SDHC: variants seen among roughly 807,000 people sequenced by gnomAD.
The protein encoded by SDHC is succinate dehydrogenase complex subunit C.
SDHC carries 11 observed loss-of-function variants against 22.6 expected under a neutral mutation model. The ratio of observed to expected loss-of-function variants is 0.49; its 90% CI spans 0.31 to 0.81. The LOEUF (loss-of-function observed/expected upper bound fraction) is 0.81. Ranked by LOEUF, SDHC falls within the 30% of genes least tolerant of loss-of-function variation. The pLI, the probability that SDHC is intolerant of heterozygous loss-of-function variation, is 0.05. For synonymous variants in SDHC, 80 were observed against 77.8 expected, an observed-to-expected ratio of 1.03 and a Z score of -0.15; for missense variants, 160 against 212.0, an observed-to-expected ratio of 0.75 and a Z score of 1.52.
At chr1:161,317,264 A>G (rs1360646686) in intron 1 of SDHC, among the ~76,000 whole-genome samples, 2 of 151,792 alleles carry the variant, frequency 1.3e-5, no homozygotes, top group Non-Finnish European at 2.9e-5. Flanking sequence ...TCCTGACCTC[A>G]TGATCCATCC....
intron 3 of SDHC, among the ~76,000 whole-genome samples, chr1:161,337,288 AG>A (rs1671532198): frequency 6.6e-6 from 1 of 152,188 alleles, no homozygotes; most frequent in African/African-American, 2.4e-5. Context: ...GAAAACACAA[AG>A]GCTAGGGCCT....
intron 4 of SDHC, among the ~76,000 whole-genome samples, chr1:161,344,562 C>A (rs961151318): frequency 6.6e-6 from 1 of 152,048 alleles, no homozygotes; most frequent in Non-Finnish European, 1.5e-5. Context: ...TCTCCTAGTT[C>A]CATGATAGAA....
chr1:161,357,515 C>T (rs58874147), intron 5 of SDHC, among the ~76,000 whole-genome samples: 17,796 of 151,924 alleles, frequency 0.12, 1,420 homozygotes, highest in African/African-American at 0.22. Context: ...TTCTCCTGCC[C>T]CAACCTCCCG....
intron 1 of SDHC, among the ~76,000 whole-genome samples, chr1:161,317,847 C>A (rs915501190): frequency 6.6e-6 from 1 of 151,650 alleles, no homozygotes; most frequent in African/African-American, 2.4e-5. Flanking sequence ...TAAGCCACCA[C>A]GCCGGGCCAA....
intron 1 of SDHC, among the ~76,000 whole-genome samples, chr1:161,323,100 G>A (rs1670899539): frequency 6.6e-6 from 1 of 151,936 alleles, no homozygotes; most frequent in Non-Finnish European, 1.5e-5. Context: ...CCAGGTTCAC[G>A]CCATTCTCTC....
chr1:161,362,000 C>G (rs1217182249), intron 5 of SDHC, among the ~76,000 whole-genome samples: 1 of 151,634 alleles, frequency 6.6e-6, no homozygotes, highest in Non-Finnish European at 1.5e-5. Flanking sequence ...AAACATTAAT[C>G]TAGATGTGTG....
At chr1:161,355,940 C>T (rs1371171329) in intron 4 of SDHC, among the ~76,000 whole-genome samples, 2 of 147,656 alleles carry the variant, frequency 1.4e-5, no homozygotes, top group East Asian at 2.0e-4. Context: ...GCTGAGATCA[C>T]GCTTACTGCA....
intron 4 of SDHC, among the ~76,000 whole-genome samples, chr1:161,348,137 A>G (rs1257521374): frequency 6.6e-6 from 1 of 152,156 alleles, no homozygotes; most frequent in Admixed American, 6.5e-5. Context: ...AATTTATTAA[A>G]AAGAAACTTG....
intron 5 of SDHC, among the ~76,000 whole-genome samples, chr1:161,358,052 TTTG>T: frequency 6.7e-6 from 1 of 150,146 alleles, no homozygotes; most frequent in East Asian, 1.9e-4. Context: ...TTTTTTTTTT[TTTG>T]AGACAGAGTC....
At chr1:161,352,066 G>GA (rs2102360273) in intron 4 of SDHC, among the ~76,000 whole-genome samples, 1 of 152,290 alleles carries the variant, frequency 6.6e-6, no homozygotes, top group African/African-American at 2.4e-5. Flanking sequence ...GATTAGATAG[G>GA]ACAGCTTCAG....
intron 4 of SDHC, among the ~76,000 whole-genome samples, chr1:161,346,503 A>T (rs980863787): frequency 2.6e-5 from 4 of 151,748 alleles, no homozygotes; most frequent in Non-Finnish European, 4.4e-5. Flanking sequence ...GGTTCAAGTG[A>T]TTCTCCTGCC....
At chr1:161,362,237 C>A (rs1042100544) in intron 5 of SDHC, 92 bp from the exon 6 acceptor site, 2 of 1,426,258 alleles carry the variant, frequency 1.4e-6, no homozygotes, top group Non-Finnish European at 1.9e-6. Flanking sequence ...GAGGAGATAT[C>A]TATTCCTTTA....
At chr1:161,337,152 A>T (rs12741391) in intron 3 of SDHC, among the ~76,000 whole-genome samples, 14,810 of 150,804 alleles carry the variant, frequency 0.098, 1,044 homozygotes, top group Non-Finnish European at 0.14. Flanking sequence ...AAGTGCTAGG[A>T]TTACAGGCCT....
At chr1:161,337,888 A>C (rs1490399490) in intron 3 of SDHC, among the ~76,000 whole-genome samples, 2 of 152,138 alleles carry the variant, frequency 1.3e-5, no homozygotes, top group South Asian at 4.1e-4. Context: ...TCAGATCAAT[A>C]TTTGTTCTGT....
chr1:161,341,918 G>A (rs956646599), intron 4 of SDHC, among the ~76,000 whole-genome samples: 1 of 152,098 alleles, frequency 6.6e-6, no homozygotes, highest in Non-Finnish European at 1.5e-5. Context: ...CTAGAATGCA[G>A]TAGATAATTT....
chr1:161,328,557 G>T, intron 3 of SDHC, 60 bp downstream of exon 3: 1 of 1,203,612 alleles, frequency 8.3e-7, no homozygotes, highest in South Asian at 1.2e-5. Flanking sequence ...TCTGAAGGTT[G>T]ATCTTTAGCC....
chr1:161,340,394 T>G (rs1037873648), intron 3 of SDHC, among the ~76,000 whole-genome samples, 200 bp from the exon 4 acceptor site: 8 of 151,318 alleles, frequency 5.3e-5, no homozygotes, highest in African/African-American at 1.9e-4. Flanking sequence ...GAGAATTGCT[T>G]GGACCCGGGA....
intron 4 of SDHC, among the ~76,000 whole-genome samples, chr1:161,341,724 C>A (rs1188371361): frequency 1.3e-5 from 2 of 152,126 alleles, no homozygotes; most frequent in East Asian, 3.8e-4. Flanking sequence ...CTCCTACCCC[C>A]ACCAAAAACA....
rs940622414 is a variant in SDHC, at chr1:161,362,911, A to G, written c.*478A>G. 7.5e-6 allele frequency: 3 copies of G among 398,186 alleles called. No individual in the cohort carries two copies. Among genetic ancestry groups the G allele is most frequent in the African/African-American group, 6.0e-5 (3 of 50,204 alleles). The allele number at this position is 398,186 out of a possible 1,614,324, so 24.7% of individuals were successfully genotyped here. On this transcript the variant is annotated 3_prime_UTR_variant, in exon 6 of 6. Coordinates refer to ENST00000367975, the MANE Select transcript of SDHC (RefSeq NM_003001.5). ...ATTGGTGAGAGCCCAGGCCATTAAC[A>G]CCTACACAGTGTTATTGAAAGAAGA...
Sources: gnomAD v4.1 joint callset for allele counts (sites outside exome capture counted in the v4.1 genomes callset) on GRCh38, gnomAD v4.1.1 for gene constraint, MANE v1.5 for transcripts, NCBI Gene and HGNC (gene_info 2026-07-23, HGNC 2026-07-21) for gene names.